FAM20A: variants seen among roughly 807,000 people sequenced by gnomAD.
FAM20A encodes the protein pseudokinase FAM20A.
FAM20A carries 42 observed loss-of-function variants against 52.0 expected under a neutral mutation model. The ratio of observed to expected loss-of-function variants is 0.81; its 90% CI spans 0.63 to 1.04. The LOEUF (loss-of-function observed/expected upper bound fraction) is 1.04, where lower values mean the gene tolerates loss of function less well. Among genes scored for constraint, FAM20A ranks in the 50% least tolerant of loss-of-function variants. The probability of loss-of-function intolerance (pLI) is 0.00; values close to 1 mark genes in which losing one functional copy is unlikely to be tolerated. For missense variants in FAM20A, 742 were observed against 712.7 expected, an observed-to-expected ratio of 1.04 and a Z score of -0.47; for synonymous variants, 304 against 298.9, an observed-to-expected ratio of 1.02 and a Z score of -0.18.
At position 68,537,396 on chromosome 17, in the gene FAM20A, G is replaced by A. The variant is rs1406140164; in HGVS notation, c.*81C>T. 1.3e-6 allele frequency: 2 copies of A among 1,566,260 alleles called. No individual in the cohort carries two copies. The highest frequency in any genetic ancestry group is 1.8e-6 in the Non-Finnish European group (2 of 1,141,068). On this transcript the variant is annotated 3_prime_UTR_variant, in exon 11 of 11. Coordinates refer to ENST00000592554, the MANE Select transcript of FAM20A (RefSeq NM_017565.4). This position sits in a 1 kb window ranked among gnomAD's most constrained non-coding sequence, Gnocchi z 4.2. Reference sequence around the variant, plus strand: ...GACTTGACTCCCAGCAGTAACAGGTGGGAGTGAGGACGCAGGGTCGGCACT... The same window carrying A: ...GACTTGACTCCCAGCAGTAACAGGTAGGAGTGAGGACGCAGGGTCGGCACT...
chr17:68,556,603 G>A (rs2087058163), intron 1 of FAM20A, among the ~76,000 whole-genome samples: 1 of 152,010 alleles, frequency 6.6e-6, no homozygotes, highest in Admixed American at 6.6e-5. Context: ...GCTTGAAGGG[G>A]ACAGGGAGGG....
In FAM20A at chr17:68,566,502, A is replaced by G. The variant is rs188483862; in HGVS notation, c.405-10759T>C. Reference sequence around the variant, plus strand: ...AGACAAATATGGTCTTTTTCAGAGTATTTCGCTCCAAGTTGTGTACAAAGA... The same window carrying G: ...AGACAAATATGGTCTTTTTCAGAGTGTTTCGCTCCAAGTTGTGTACAAAGA... On this transcript the variant is annotated intron_variant, in intron 1 of 10. Transcript: ENST00000592554. 3.8e-3 allele frequency among the ~76,000 whole-genome samples: 573 copies of G among 152,236 alleles called. 3 individuals are homozygous for G. The highest frequency in any genetic ancestry group is 0.013 in the African/African-American group (549 of 41,518).
chr17:68,592,204 T>C (rs756730137), intron 1 of FAM20A, among the ~76,000 whole-genome samples: 18 of 152,172 alleles, frequency 1.2e-4, no homozygotes, highest in Non-Finnish European at 2.1e-4. Context: ...CCTATCTGAG[T>C]GCTCAGGGCT....
Position 68,543,612 on chromosome 17 carries a change from A to G in FAM20A, c.812+17T>C, listed in dbSNP as rs765011328. On this transcript the variant is annotated intron_variant, in intron 5 of 10. Transcript: ENST00000592554. The stretch of plus-strand genomic sequence containing the variant: ...GGTCCTTATAGGCAATGCCATCTCC[A>G]TGGGGCCAGACCCTACCTGTCCAGA... 3.1e-6 allele frequency: 5 copies of G among 1,612,750 alleles called. No individual in the cohort carries two copies. Among genetic ancestry groups the G allele is most frequent in the Non-Finnish European group, 4.2e-6 (5 of 1,178,792 alleles).
intron 9 of FAM20A, 69 bp downstream of exon 9, chr17:68,539,816 C>G: frequency 6.7e-7 from 1 of 1,498,514 alleles, no homozygotes; most frequent in South Asian, 1.1e-5. Flanking sequence ...CTGTTTCCCC[C>G]GAGCAGCTGG....
At chr17:68,558,238 T>G (rs1240576060) in intron 1 of FAM20A, 1 of 330,440 alleles carries the variant, frequency 3.0e-6, no homozygotes, top group African/African-American at 2.2e-5. Context: ...GAGAATGAGC[T>G]TGAAGGAGGA....
intron 2 of FAM20A, 128 bp from the exon 3 acceptor site, chr17:68,554,955 C>T: frequency 1.1e-6 from 1 of 938,600 alleles, no homozygotes; most frequent in South Asian, 1.4e-5. Flanking sequence ...GGGCCCTTGA[C>T]CACTCCGTGG....
chr17:68,537,383 A>G lies in FAM20A; in HGVS notation c.*94T>C, dbSNP rs1463950631. 2 of 1,527,840 alleles carry G rather than the reference A, an allele frequency of 1.3e-6. No individual in the cohort carries two copies. The highest frequency in any genetic ancestry group is 2.2e-4 in the Middle Eastern group (1 of 4,498). 94.6% of individuals were successfully genotyped at this position (1,527,840 alleles called of 1,614,324 possible). A position where few individuals can be genotyped will look rare whatever the true frequency, so the allele number is the denominator to read the frequency against. ...TTCCTTCCTAGCTGACTTGACTCCC[A>G]GCAGTAACAGGTGGGAGTGAGGACG... On this transcript the variant is annotated 3_prime_UTR_variant, in exon 11 of 11. Coordinates refer to ENST00000592554, the MANE Select transcript of FAM20A (RefSeq NM_017565.4). This position sits in a 1 kb window ranked among gnomAD's most constrained non-coding sequence, Gnocchi z 4.2.
At chr17:68,587,807 T>C (rs1461387119) in intron 1 of FAM20A, among the ~76,000 whole-genome samples, 3 of 152,248 alleles carry the variant, frequency 2.0e-5, no homozygotes, top group Admixed American at 1.3e-4. Context: ...TACATGTTCA[T>C]GGTGTTAATA....
intron 1 of FAM20A, among the ~76,000 whole-genome samples, chr17:68,581,398 C>T (rs1421015966): frequency 6.9e-6 from 1 of 144,306 alleles, no homozygotes; most frequent in African/African-American, 2.6e-5. Context: ...TTCTTTCTTT[C>T]TTTCTTTCTT....
intron 1 of FAM20A, among the ~76,000 whole-genome samples, chr17:68,563,037 G>A (rs8064440): frequency 3.9e-5 from 6 of 152,076 alleles, no homozygotes; most frequent in Non-Finnish European, 8.8e-5. Flanking sequence ...TTATCTGAAC[G>A]GAATGGATCC....
chr17:68,595,586 G>A (rs896664567), intron 1 of FAM20A, among the ~76,000 whole-genome samples: 1 of 152,172 alleles, frequency 6.6e-6, no homozygotes, highest in African/African-American at 2.4e-5. Flanking sequence ...AACCACACAC[G>A]GGCCGTGGTT....
intron 1 of FAM20A, among the ~76,000 whole-genome samples, chr17:68,571,423 T>A (rs1276236426): frequency 6.6e-6 from 1 of 152,192 alleles, no homozygotes; most frequent in East Asian, 1.9e-4. Context: ...AACACTAGTA[T>A]CAAAACTTGA....
chr17:68,595,955 C>G (rs117717960), intron 1 of FAM20A, among the ~76,000 whole-genome samples: 1,614 of 152,288 alleles, frequency 0.011, 9 homozygotes, highest in Non-Finnish European at 0.017. Flanking sequence ...TAGCTGAATT[C>G]CTTTTCATCT....
At position 68,537,444 on chromosome 17, in the gene FAM20A, G is replaced by C; in HGVS notation, c.*33C>G. The stretch of plus-strand genomic sequence containing the variant: ...ACTCGAGTCGACTGCTCTGGCTCCA[G>C]GCGTATTTTCTGAAACTGGACTCTG... On this transcript the variant is annotated 3_prime_UTR_variant, in exon 11 of 11. Coordinates refer to ENST00000592554, the MANE Select transcript of FAM20A (RefSeq NM_017565.4). The surrounding 1 kb of genome is among the most constrained non-coding windows in gnomAD (Gnocchi z 4.2). 1 of 1,613,812 alleles carries C rather than the reference G, an allele frequency of 6.2e-7. No homozygotes were observed. Among genetic ancestry groups the C allele is most frequent in the Non-Finnish European group, 8.5e-7 (1 of 1,179,930 alleles).
rs1270597251 is a variant in FAM20A, at chr17:68,542,898, T to C, written c.813-89A>G. 3.0e-6 allele frequency: 3 copies of C among 1,002,190 alleles called. No homozygotes were observed. The South Asian group carries it at 3.8e-5, about 13-fold the overall frequency. 62.1% of individuals were successfully genotyped at this position (1,002,190 alleles called of 1,614,324 possible). On this transcript the variant is annotated intron_variant, in intron 5 of 10. Coordinates refer to ENST00000592554, the MANE Select transcript of FAM20A (RefSeq NM_017565.4). ...TCCCCCGGCCAGTGCACATTAGGAA[T>C]TGGCTGGTGTACCCAGGAGGGTGGC...
chr17:68,555,425 A>G, intron 2 of FAM20A, 134 bp downstream of exon 2: 4 of 972,206 alleles, frequency 4.1e-6, no homozygotes, highest in South Asian at 2.6e-5. Flanking sequence ...AAAAAGATCA[A>G]TGCATATGTT....
chr17:68,544,348 G>A (rs369559079), intron 4 of FAM20A, among the ~76,000 whole-genome samples: 8 of 152,276 alleles, frequency 5.3e-5, no homozygotes, highest in South Asian at 2.1e-4. Context: ...CCTGAAAAGC[G>A]CCAGGCTGCC....
Position 68,537,428 on chromosome 17 carries a change from G to A in FAM20A, c.*49C>T, listed in dbSNP as rs559129729. 2.0e-5 allele frequency: 32 copies of A among 1,612,486 alleles called. No homozygotes were observed. The Middle Eastern group carries it at 7.1e-4, about 36-fold the overall frequency. On this transcript the variant is annotated 3_prime_UTR_variant, in exon 11 of 11. Coordinates refer to ENST00000592554, the MANE Select transcript of FAM20A (RefSeq NM_017565.4). This position sits in a 1 kb window ranked among gnomAD's most constrained non-coding sequence, Gnocchi z 4.2. ...AGGACGCAGGGTCGGCACTCGAGTCGACTGCTCTGGCTCCAGGCGTATTTT... is the reference window on the plus strand; with the variant it reads ...AGGACGCAGGGTCGGCACTCGAGTCAACTGCTCTGGCTCCAGGCGTATTTT...
Sources: allele counts gnomAD v4.1 joint callset (sites outside exome capture counted in the v4.1 genomes callset), GRCh38; gene constraint gnomAD v4.1.1; non-coding constraint Gnocchi (gnomAD v3.1); transcripts MANE v1.5; gene names NCBI Gene and HGNC (gene_info 2026-07-23, HGNC 2026-07-21).